The following PCDHGA7 variants were observed in gnomAD, a reference collection of about 807,000 sequenced individuals.
PCDHGA7 encodes the protein protocadherin gamma-A7.
In PCDHGA7, 44 loss-of-function variants were observed where a neutral mutation model predicts 58.3. The ratio of observed to expected loss-of-function variants is 0.75; its 90% CI spans 0.59 to 0.97. PCDHGA7 has a LOEUF of 0.97. Ranked by LOEUF, PCDHGA7 falls within the 50% of genes least tolerant of loss-of-function variation. The pLI is 0.00. For missense variants in PCDHGA7, 1,266 were observed against 1,188.7 expected, an observed-to-expected ratio of 1.06 and a Z score of -0.96; for synonymous variants, 516 against 504.2, an observed-to-expected ratio of 1.02 and a Z score of -0.31.
At position 141,477,896 on chromosome 5, in the gene PCDHGA7, G is replaced by A. The variant is rs1444527086; in HGVS notation, c.2425-16911G>A. 2 of 1,614,174 alleles carry A rather than the reference G, an allele frequency of 1.2e-6. No individual in the cohort carries two copies. Among genetic ancestry groups the A allele is most frequent in the Non-Finnish European group, 1.7e-6 (2 of 1,180,038 alleles). ...AGCTGGCCACCTAGTGTCACGGGTG[G>A]TAGGCTGGGACGCGGATGCAGGGCA... On this transcript the variant is annotated intron_variant, in intron 1 of 3. Coordinates refer to ENST00000518325, the MANE Select transcript of PCDHGA7 (RefSeq NM_018920.4). The surrounding 1 kb of genome is among the most constrained non-coding windows in gnomAD (Gnocchi z 4.9).
chr5:141,399,608 C>T (rs767025311), intron 1 of PCDHGA7: 3 of 1,613,962 alleles, frequency 1.9e-6, no homozygotes, highest in Non-Finnish European at 2.5e-6. Flanking sequence ...GACCTAGAGC[C>T]TCTGGCACTG....
rs1283050252 is a variant in PCDHGA7, at chr5:141,512,909, T to G, written c.*1736T>G. ...CCTCTTCCTGTGTCTCACGCAAGTT[T>G]TATACTCTAATATTTATATGGCTTT... On this transcript the variant is annotated 3_prime_UTR_variant, in exon 4 of 4. Coordinates refer to ENST00000518325, the MANE Select transcript of PCDHGA7 (RefSeq NM_018920.4). 6.6e-6 allele frequency: 1 copy of G among 152,268 alleles called. No homozygotes were observed. The highest frequency in any genetic ancestry group is 1.5e-5 in the Non-Finnish European group (1 of 68,056). 9.4% of individuals were successfully genotyped at this position (152,268 alleles called of 1,614,324 possible).
At chr5:141,466,528 T>C (rs1171715691) in intron 1 of PCDHGA7, among the ~76,000 whole-genome samples, 1 of 152,204 alleles carries the variant, frequency 6.6e-6, no homozygotes, top group African/African-American at 2.4e-5. Context: ...TCCTCCCAAA[T>C]TGATGTAGAT....
At chr5:141,453,865 A>T (rs1048679358) in intron 1 of PCDHGA7, among the ~76,000 whole-genome samples, 2 of 152,234 alleles carry the variant, frequency 1.3e-5, no homozygotes, top group African/African-American at 4.8e-5. Flanking sequence ...AAAATAACAG[A>T]TGAGCAAAAT....
chr5:141,400,054 C>T, intron 1 of PCDHGA7: 2 of 1,613,622 alleles, frequency 1.2e-6, no homozygotes, highest in Non-Finnish European at 1.7e-6. Flanking sequence ...GGTTGCTGTG[C>T]GTGATGGTGG....
intron 1 of PCDHGA7, chr5:141,413,731 G>A (rs1008251304): frequency 6.2e-7 from 1 of 1,613,454 alleles, no homozygotes; most frequent in South Asian, 1.1e-5. Context: ...CTCCCTAAGA[G>A]TTCAGAGCCG....
At chr5:141,435,314 G>T (rs1490871069) in intron 1 of PCDHGA7, among the ~76,000 whole-genome samples, 6 of 152,006 alleles carry the variant, frequency 3.9e-5, no homozygotes, top group African/African-American at 9.7e-5. Flanking sequence ...AATCATTCAT[G>T]AACTTCCAAA....
At chr5:141,427,896 C>T in intron 1 of PCDHGA7, 2 of 1,570,508 alleles carry the variant, frequency 1.3e-6, no homozygotes, top group Non-Finnish European at 1.7e-6. Context: ...CCAGGGCTCG[C>T]CCGCGCTCAG....
chr5:141,401,171 G>T (rs1222326375), intron 1 of PCDHGA7, among the ~76,000 whole-genome samples: 1 of 152,054 alleles, frequency 6.6e-6, no homozygotes, highest in African/African-American at 2.4e-5. Flanking sequence ...GTGAAAACCC[G>T]TCTCTACTAA....
intron 1 of PCDHGA7, chr5:141,389,909 C>A: frequency 6.2e-7 from 1 of 1,614,068 alleles, no homozygotes; most frequent in Non-Finnish European, 8.5e-7. Flanking sequence ...ATATCACTGA[C>A]CGCCCCGACC....
rs1425295626 is a variant in PCDHGA7 at position 141,477,940 on chromosome 5, C to T, written c.2425-16867C>T. On this transcript the variant is annotated intron_variant, in intron 1 of 3. Coordinates refer to ENST00000518325, the MANE Select transcript of PCDHGA7 (RefSeq NM_018920.4). This position sits in a 1 kb window ranked among gnomAD's most constrained non-coding sequence, Gnocchi z 4.9. ...CAGGGCACAATGCCTGGCTCTCCTA[C>T]AGTCTCTTGGGATCCCCTAACCAGA... The T allele has an allele frequency of 6.2e-7, 1 of 1,614,178 alleles. No homozygotes were observed. Among genetic ancestry groups the T allele is most frequent in the South Asian group, 1.1e-5 (1 of 91,084 alleles).
Position 141,491,627 on chromosome 5 carries a change from A to C in PCDHGA7, c.2425-3180A>C. On this transcript the variant is annotated intron_variant, in intron 1 of 3. Transcript: ENST00000518325. The surrounding 1 kb of genome is among the most constrained non-coding windows in gnomAD (Gnocchi z 6.9). ...ACTTTTCTAAGACCCCTCAGCGTTC[A>C]GCAGCCCACAGCTCTGGCGCTGGAG... 6.2e-7 allele frequency: 1 copy of C among 1,613,924 alleles called. No homozygotes were observed. The highest frequency in any genetic ancestry group is 8.5e-7 in the Non-Finnish European group (1 of 1,180,026).
intron 1 of PCDHGA7, among the ~76,000 whole-genome samples, chr5:141,433,837 CAA>C (rs56191208): frequency 1.4e-4 from 16 of 111,664 alleles, no homozygotes; most frequent in Non-Finnish European, 1.2e-4. Context: ...AACTCTATCT[CAA>C]AAAAAAAAAA....
In PCDHGA7 at chr5:141,434,786, T is replaced by A. The variant is rs867453805; in HGVS notation, c.2424+49463T>A. ...TTCACACTTCTAAAAAAAAAAAAAT[T>A]TTTTTTTCTGAGCTTGGAGAAATAT... On this transcript the variant is annotated intron_variant, in intron 1 of 3. Coordinates refer to ENST00000518325, the MANE Select transcript of PCDHGA7 (RefSeq NM_018920.4). 6.8e-4 allele frequency among the ~76,000 whole-genome samples: 102 copies of A among 150,682 alleles called. 1 individual carries two copies. The highest frequency in any genetic ancestry group is 1.8e-3 in the African/African-American group (72 of 40,898).
chr5:141,491,503 G>C lies in PCDHGA7; in HGVS notation c.2425-3304G>C. On this transcript the variant is annotated intron_variant, in intron 1 of 3. Coordinates refer to ENST00000518325, the MANE Select transcript of PCDHGA7 (RefSeq NM_018920.4). The surrounding 1 kb of genome is among the most constrained non-coding windows in gnomAD (Gnocchi z 6.9). ...CCCCAACCTGCAGGTGAGCTCGGACGGCACGCTCAAGTACATGGAGGTGAC... is the reference window on the plus strand; with the variant it reads ...CCCCAACCTGCAGGTGAGCTCGGACCGCACGCTCAAGTACATGGAGGTGAC... The C allele has an allele frequency of 6.2e-7, 1 of 1,614,030 alleles. No homozygotes were observed.
At chr5:141,420,369 T>C in intron 1 of PCDHGA7, 2 of 1,349,364 alleles carry the variant, frequency 1.5e-6, no homozygotes, top group Non-Finnish European at 2.0e-6. Flanking sequence ...AGATAACTTC[T>C]TCATAGAGTT....
At chr5:141,451,484 G>A (rs2098717067) in intron 1 of PCDHGA7, among the ~76,000 whole-genome samples, 1 of 152,194 alleles carries the variant, frequency 6.6e-6, no homozygotes, top group Admixed American at 6.5e-5. Flanking sequence ...CTTGCCATGT[G>A]GACCTCCATA....
intron 1 of PCDHGA7, among the ~76,000 whole-genome samples, chr5:141,437,310 C>T (rs1226274834): frequency 6.6e-6 from 1 of 152,166 alleles, no homozygotes; most frequent in Non-Finnish European, 1.5e-5. Flanking sequence ...TTAAAGCGTT[C>T]AGCTATAATT....
In PCDHGA7 at chr5:141,382,824, A is replaced by T; in HGVS notation, c.-76A>T. 3.0e-6 allele frequency: 4 copies of T among 1,326,118 alleles called. No homozygotes were observed. Among genetic ancestry groups the T allele is most frequent in the Non-Finnish European group, 4.1e-6 (4 of 964,158 alleles). The allele number at this position is 1,326,118 out of a possible 1,614,324, so 82.1% of individuals were successfully genotyped here. Reference sequence around the variant, plus strand: ...TTCTGAGCTCCCCTTCCTAAGACAGAGGGGTCCACCCGGATACACCCGCAT... The same window carrying T: ...TTCTGAGCTCCCCTTCCTAAGACAGTGGGGTCCACCCGGATACACCCGCAT... On this transcript the variant is annotated 5_prime_UTR_variant, in exon 1 of 4. Transcript: ENST00000518325.
Sources: gnomAD v4.1 joint callset for allele counts (sites outside exome capture counted in the v4.1 genomes callset) on GRCh38, gnomAD v4.1.1 for gene constraint, Gnocchi (gnomAD v3.1) non-coding constraint, MANE v1.5 for transcripts, NCBI Gene and HGNC (gene_info 2026-07-23, HGNC 2026-07-21) for gene names.